MTERF4: variants seen among roughly 807,000 people sequenced by gnomAD.
MTERF4 encodes the protein mitochondrial transcription termination factor 4.
MTERF4 carries 17 observed loss-of-function variants against 22.5 expected under a neutral mutation model. That is an observed-to-expected ratio of 0.75 (90% CI 0.52 to 1.13). The LOEUF (loss-of-function observed/expected upper bound fraction) is 1.13, where lower values mean the gene tolerates loss of function less well. MTERF4 is among the 50% of genes most tolerant of loss of function. MTERF4 has a pLI of 0.00. For missense variants in MTERF4, 420 were observed against 466.8 expected (o/e 0.90, Z 0.92); for synonymous variants, 165 against 175.3 (o/e 0.94, Z 0.47).
chr2:241,088,384 A>G, downstream of MTERF4: 1 of 1,612,018 alleles, frequency 6.2e-7, no homozygotes, highest in Non-Finnish European at 8.5e-7. Context: ...TAAGAGTCAG[A>G]CACTGGAGAA....
downstream of MTERF4, chr2:241,092,530 T>C (rs1273854206): frequency 6.6e-6 from 1 of 151,608 alleles, no homozygotes; most frequent in Non-Finnish European, 1.5e-5. This position sits in a 1 kb window ranked among gnomAD's most constrained non-coding sequence, Gnocchi z 4.6. Flanking sequence ...ATCCCCTGAA[T>C]GACAAGTCAC....
the MTERF4 span, among the ~76,000 whole-genome samples, chr2:241,045,971 C>T: frequency 2.6e-5 from 4 of 152,136 alleles, no homozygotes; most frequent in Non-Finnish European, 5.9e-5. Flanking sequence ...AGAAAACAAA[C>T]AACCCAATTT....
chr2:241,091,154 A>G (rs1256841037), downstream of MTERF4, among the ~76,000 whole-genome samples: 1 of 152,154 alleles, frequency 6.6e-6, no homozygotes, highest in Non-Finnish European at 1.5e-5. This position sits in a 1 kb window ranked among gnomAD's most constrained non-coding sequence, Gnocchi z 4.1. Context: ...TAGAATACCT[A>G]TTCTTGAAAT....
intron 4 of MTERF4, among the ~76,000 whole-genome samples, chr2:241,080,129 CA>C (rs1222308047): frequency 6.6e-6 from 1 of 151,948 alleles, no homozygotes; most frequent in African/African-American, 2.4e-5. Flanking sequence ...TACTAAAATA[CA>C]AAAATTAGCC....
Position 241,075,901 on chromosome 2 carries a change from A to G in MTERF4, n.480-219T>C, listed in dbSNP as rs1248115596. 6.6e-6 allele frequency among the ~76,000 whole-genome samples: 1 copy of G among 152,202 alleles called. No individual in the cohort carries two copies. Among genetic ancestry groups the G allele is most frequent in the Non-Finnish European group, 1.5e-5 (1 of 68,034 alleles). ...GGCTACAATTTCATTTTTTATGCAT[A>G]TGGGTAAACTGGATTTTTCATCTCT... is the stretch of plus-strand genomic sequence containing the variant. On this transcript the variant is annotated intron_variant and non_coding_transcript_variant, in intron 4 of 4. Transcript: ENST00000464344. The surrounding 1 kb of genome is among the most constrained non-coding windows in gnomAD (Gnocchi z 4.8).
chr2:241,053,312 CT>C, the MTERF4 span: 1 of 1,579,750 alleles, frequency 6.3e-7, no homozygotes. Flanking sequence ...TGGAGTGAGC[CT>C]CCCCAGTGCC....
downstream of MTERF4, chr2:241,090,437 G>T (rs1360321807): frequency 6.5e-7 from 1 of 1,545,436 alleles, no homozygotes; most frequent in South Asian, 1.2e-5. Context: ...TTCATAAGTA[G>T]AAGGAGTACA....
downstream of MTERF4, among the ~76,000 whole-genome samples, chr2:241,083,407 A>G (rs544176844): frequency 1.3e-5 from 2 of 152,110 alleles, no homozygotes; most frequent in South Asian, 4.1e-4. Flanking sequence ...GGAGCTACTG[A>G]AGGGTTCTGA....
downstream of MTERF4, chr2:241,087,656 T>C (rs2063653794): frequency 1.1e-5 from 16 of 1,406,362 alleles, no homozygotes; most frequent in Non-Finnish European, 1.5e-5. Context: ...TATATGTGCA[T>C]GTGAGCATAC....
the MTERF4 span, chr2:241,053,163 C>T: frequency 5.6e-4 from 902 of 1,609,538 alleles, 3 homozygotes; most frequent in African/African-American, 0.01. Context: ...AGGTGGACTG[C>T]GGCCCCCCGG....
At chr2:241,091,521 G>C (rs543188771), downstream of MTERF4, 11 of 152,352 alleles carry the variant, frequency 7.2e-5, no homozygotes, top group African/African-American at 2.6e-4. This position sits in a 1 kb window ranked among gnomAD's most constrained non-coding sequence, Gnocchi z 4.1. Flanking sequence ...AGAACGTGGG[G>C]TCCTCTGGGT....
downstream of MTERF4, chr2:241,094,425 C>T (rs777713504): frequency 2.5e-5 from 12 of 471,044 alleles, no homozygotes; most frequent in Admixed American, 1.2e-4. The surrounding 1 kb of genome is among the most constrained non-coding windows in gnomAD (Gnocchi z 4.3). Context: ...CGCTGTAAGA[C>T]GAGGCTGCTG....
downstream of MTERF4, among the ~76,000 whole-genome samples, chr2:241,086,068 T>C (rs1428594570): frequency 6.6e-6 from 1 of 152,108 alleles, no homozygotes; most frequent in Non-Finnish European, 1.5e-5. Flanking sequence ...GGTTTCACCA[T>C]GTTGGCCAGG....
At position 241,096,610 on chromosome 2, in the gene MTERF4, A is replaced by G. The variant is rs1285765537; in HGVS notation, c.706-172T>C. On this transcript the variant is annotated intron_variant, in intron 3 of 3. Coordinates refer to ENST00000391980, the MANE Select transcript of MTERF4 (RefSeq NM_182501.4). This position sits in a 1 kb window ranked among gnomAD's most constrained non-coding sequence, Gnocchi z 5.1. ...ATTTGTGTGACAGCCAGCAGTTTCA[A>G]AACACTTTCAAATTCATCCTGAGAA... The G allele has an allele frequency of 2.6e-6, 2 of 756,290 alleles. No homozygotes were observed. The highest frequency in any genetic ancestry group is 4.7e-6 in the Non-Finnish European group (2 of 422,018). 46.8% of individuals were successfully genotyped at this position (756,290 alleles called of 1,614,324 possible).
At chr2:241,069,668 G>A (rs2125229940), downstream of MTERF4, among the ~76,000 whole-genome samples, 1 of 151,922 alleles carries the variant, frequency 6.6e-6, no homozygotes, top group East Asian at 1.9e-4. The surrounding 1 kb of genome is among the most constrained non-coding windows in gnomAD (Gnocchi z 4.9). Context: ...TGACGGGCCA[G>A]GGCCTGGGGG....
chr2:241,058,079 A>G, the MTERF4 span, among the ~76,000 whole-genome samples: 1 of 152,194 alleles, frequency 6.6e-6, no homozygotes, highest in South Asian at 2.1e-4. Flanking sequence ...ACATAAGACT[A>G]TACAAAGAAT....
the MTERF4 span, chr2:241,063,797 C>A: frequency 1.0e-6 from 1 of 985,880 alleles, no homozygotes; most frequent in Non-Finnish European, 1.5e-6. Flanking sequence ...CTGGGCAGGC[C>A]ACCTGGGGAG....
intron 1 of MTERF4, among the ~76,000 whole-genome samples, chr2:241,100,490 G>A (rs1244180594): frequency 6.6e-6 from 1 of 151,940 alleles, no homozygotes; most frequent in Non-Finnish European, 1.5e-5. Context: ...TGAGACGGGG[G>A]TCTCACTCTG....
the MTERF4 span, chr2:241,062,806 G>A: frequency 3.9e-5 from 62 of 1,610,012 alleles, no homozygotes; most frequent in South Asian, 2.4e-4. Flanking sequence ...GATGAGTGCC[G>A]GTCTCAGCCG....
Sources: gnomAD v4.1 joint callset for allele counts (sites outside exome capture counted in the v4.1 genomes callset) on GRCh38, gnomAD v4.1.1 for gene constraint, Gnocchi (gnomAD v3.1) non-coding constraint, MANE v1.5 for transcripts, NCBI Gene and HGNC (gene_info 2026-07-23, HGNC 2026-07-21) for gene names.